Variants in CCDC32 observed in about 807,000 individuals in gnomAD.
CCDC32 encodes the protein coiled-coil domain containing 32, also known as coiled-coil domain-containing protein 32.
In CCDC32, 9 loss-of-function variants were observed where a neutral mutation model predicts 20.1. That is an observed-to-expected ratio of 0.45 (90% CI 0.27 to 0.78). The LOEUF is 0.78. CCDC32 is among the 30% of genes least tolerant of loss of function. The pLI, the probability that CCDC32 is intolerant of heterozygous loss-of-function variation, is 0.16. For synonymous variants in CCDC32, 63 were observed against 79.0 expected, an observed-to-expected ratio of 0.80 and a Z score of 1.07; for missense variants, 204 against 215.5, an observed-to-expected ratio of 0.95 and a Z score of 0.33.
At chr15:40,524,219 G>T (rs558469494), downstream of CCDC32, among the ~76,000 whole-genome samples, 1 of 143,278 alleles carries the variant, frequency 7.0e-6, no homozygotes, top group Admixed American at 7.3e-5. Flanking sequence ...GTGCGATGGC[G>T]CGATCTCGGC....
chr15:40,525,678 C>A (rs1231983734), downstream of CCDC32, among the ~76,000 whole-genome samples: 1 of 152,218 alleles, frequency 6.6e-6, no homozygotes, highest in African/African-American at 2.4e-5. Flanking sequence ...ACTGGGACCT[C>A]GCCTGCTCCT....
chr15:40,543,468 T>G (rs1811513), intron 3 of CCDC32, among the ~76,000 whole-genome samples: 79,027 of 151,958 alleles, frequency 0.52, 21,326 homozygotes, highest in East Asian at 0.71. Flanking sequence ...TGTTGTTGTT[T>G]TTTTGAGACA....
chr15:40,526,742 A>G (rs941227260), downstream of CCDC32, among the ~76,000 whole-genome samples: 3 of 151,996 alleles, frequency 2.0e-5, no homozygotes, highest in African/African-American at 7.2e-5. Flanking sequence ...GCAAAAACCC[A>G]TCTCTACTAA....
At position 40,539,912 on chromosome 15, in the gene CCDC32, C is replaced by G. The variant is rs1031827264; in HGVS notation, c.402-557G>C. ...TCCTTGCCCTTGATTCCATGTCACC[C>G]CAAACTCATCATAAATACCTACTCA... is the stretch of plus-strand genomic sequence containing the variant. On this transcript the variant is annotated intron_variant, in intron 3 of 3. Coordinates refer to the CCDC32 transcript ENST00000558113. Among the ~76,000 whole-genome samples the G allele has an allele frequency of 8.2e-4, 123 of 150,530 alleles. 2 individuals are homozygous for G. The highest frequency in any genetic ancestry group is 7.7e-3 in the Admixed American group (115 of 14,862).
rs773572224 is a variant in CCDC32 at position 40,553,758 on chromosome 15, C to T, written c.*213G>A. 231 of 1,360,440 alleles carry T rather than the reference C, an allele frequency of 1.7e-4. No homozygotes were observed. Among genetic ancestry groups the T allele is most frequent in the Non-Finnish European group, 2.1e-4 (225 of 1,057,254 alleles). The allele number at this position is 1,360,440 out of a possible 1,614,324, so 84.3% of individuals were successfully genotyped here. A position where few individuals can be genotyped will look rare whatever the true frequency, so the allele number is the denominator to read the frequency against. On this transcript the variant is annotated 3_prime_UTR_variant, in exon 4 of 4. Coordinates refer to ENST00000416810, the MANE Select transcript of CCDC32 (RefSeq NM_001080792.4). ...TCAGTCACTTCATCCGAGACAGTCA[C>T]ACATGCCAGCCCCAGGTAAGTCCCT...
downstream of CCDC32, among the ~76,000 whole-genome samples, chr15:40,525,526 T>G (rs1265802956): frequency 6.6e-6 from 1 of 152,032 alleles, no homozygotes; most frequent in Non-Finnish European, 1.5e-5. Context: ...AAAAAGTCCT[T>G]CTAAATATTC....
the CCDC32 span, among the ~76,000 whole-genome samples, chr15:40,521,734 G>T: frequency 6.6e-6 from 1 of 152,136 alleles, no homozygotes; most frequent in African/African-American, 2.4e-5. Context: ...TTCCATGATG[G>T]CTAGTGGCCA....
At chr15:40,532,718 T>TC (rs1355398959), downstream of CCDC32, among the ~76,000 whole-genome samples, 10 of 67,116 alleles carry the variant, frequency 1.5e-4, no homozygotes, top group African/African-American at 4.1e-4. Context: ...TTCTTTCTTT[T>TC]TTTTTTTTTT....
downstream of CCDC32, chr15:40,538,585 C>G (rs1248586907): frequency 6.6e-6 from 1 of 152,328 alleles, no homozygotes; most frequent in Non-Finnish European, 1.5e-5. Context: ...AACGACCAAT[C>G]CGGCTTCCCT....
At chr15:40,545,451 AGTTT>A (rs955891121) in intron 3 of CCDC32, among the ~76,000 whole-genome samples, 7 of 112,706 alleles carry the variant, frequency 6.2e-5, no homozygotes, top group Middle Eastern at 4.3e-3. Context: ...GGAGAGAGTC[AGTTT>A]GTTTGGGAAA....
chr15:40,543,110 C>T (rs1889468083), intron 3 of CCDC32, among the ~76,000 whole-genome samples: 1 of 151,238 alleles, frequency 6.6e-6, no homozygotes, highest in Admixed American at 6.6e-5. Context: ...CCACTACACT[C>T]TAGCCTGGGT....
At chr15:40,552,696 G>A (rs1307245240), downstream of CCDC32, 1 of 133,170 alleles carries the variant, frequency 7.5e-6, no homozygotes. Context: ...GATCACCTGA[G>A]CTCAGGAGTT....
Position 40,553,278 on chromosome 15 carries a change from G to A in CCDC32, c.*693C>T, listed in dbSNP as rs538253583. 1.3e-4 allele frequency: 126 copies of A among 985,444 alleles called. No homozygotes were observed. The highest frequency in any genetic ancestry group is 1.5e-4 in the Non-Finnish European group (122 of 829,960). The allele number at this position is 985,444 out of a possible 1,614,324, so 61.0% of individuals were successfully genotyped here. A position where few individuals can be genotyped will look rare whatever the true frequency, so the allele number is the denominator to read the frequency against. On this transcript the variant is annotated 3_prime_UTR_variant, in exon 4 of 4. Coordinates refer to ENST00000416810, the MANE Select transcript of CCDC32 (RefSeq NM_001080792.4). The stretch of plus-strand genomic sequence containing the variant: ...TAATTTGGAACCTGGCCCTTTTTAA[G>A]TGCAGGAGGAAGTTGGAGGAGAAGC...
At chr15:40,550,231 T>C (rs1889795701), downstream of CCDC32, among the ~76,000 whole-genome samples, 1 of 152,188 alleles carries the variant, frequency 6.6e-6, no homozygotes, top group Non-Finnish European at 1.5e-5. Flanking sequence ...GCTCTAAAGC[T>C]TTAGCACTAA....
intron 2 of CCDC32, chr15:40,558,034 A>G (rs941507206): frequency 6.6e-6 from 1 of 152,230 alleles, no homozygotes; most frequent in Non-Finnish European, 1.5e-5. Context: ...AGTGCTCCAT[A>G]TGGCTTCTTG....
At chr15:40,557,432 T>C in intron 2 of CCDC32, 60 bp from the exon 3 acceptor site, 26 of 1,519,022 alleles carry the variant, frequency 1.7e-5, no homozygotes, top group Non-Finnish European at 2.3e-5. Flanking sequence ...TTTAACTAAA[T>C]CTAAAACTCA....
rs192358698 is a variant in CCDC32 at position 40,564,759 on chromosome 15, T to C, written c.-13+217A>G. 685 of 1,614,166 alleles carry C rather than the reference T, an allele frequency of 4.2e-4. 4 individuals are homozygous for C. In the African/African-American group the frequency reaches 7.4e-3, roughly 17 times the overall value. ...CTAAAGCCACCCAAAACCAAAACTTTGCTCACACCAGAGCCCCGCATGGCC... is the reference window on the plus strand; with the variant it reads ...CTAAAGCCACCCAAAACCAAAACTTCGCTCACACCAGAGCCCCGCATGGCC... On this transcript the variant is annotated intron_variant, in intron 1 of 3. Coordinates refer to ENST00000416810, the MANE Select transcript of CCDC32 (RefSeq NM_001080792.4).
intron 1 of CCDC32, among the ~76,000 whole-genome samples, chr15:40,563,470 T>C (rs934926876): frequency 6.6e-6 from 1 of 152,114 alleles, no homozygotes; most frequent in Non-Finnish European, 1.5e-5. Flanking sequence ...GTCAAATTCA[T>C]AGATACAGAA....
At chr15:40,540,737 A>C (rs937449412) in intron 3 of CCDC32, among the ~76,000 whole-genome samples, 2 of 152,130 alleles carry the variant, frequency 1.3e-5, no homozygotes, top group Admixed American at 6.5e-5. Flanking sequence ...CCAGTCTCTC[A>C]TCTATCCTAA....
Sources: gnomAD v4.1 joint callset for allele counts (sites outside exome capture counted in the v4.1 genomes callset) on GRCh38, gnomAD v4.1.1 for gene constraint, MANE v1.5 for transcripts, NCBI Gene and HGNC (gene_info 2026-07-23, HGNC 2026-07-21) for gene names.